Variants in STAG1 observed in about 807,000 individuals in gnomAD.
STAG1 encodes cohesin subunit SA-1.
In STAG1, 26 loss-of-function variants were observed where a neutral mutation model predicts 170.9. The ratio of observed to expected loss-of-function variants is 0.15; its 90% CI spans 0.11 to 0.21. STAG1 has a LOEUF of 0.21. STAG1 is among the 10% of genes least tolerant of loss of function. STAG1 has a pLI of 1.00. For synonymous variants in STAG1, 514 were observed against 497.7 expected, an observed-to-expected ratio of 1.03 and a Z score of -0.44; for missense variants, 964 against 1,509.5, an observed-to-expected ratio of 0.64 and a Z score of 5.99.
chr3:136,369,377 T>C (rs1937203737), intron 23 of STAG1, 95 bp from the exon 24 acceptor site: 10 of 910,098 alleles, frequency 1.1e-5, no homozygotes, highest in East Asian at 6.2e-5. Flanking sequence ...CATAGTTTAA[T>C]AGCAGTACCA....
chr3:136,577,048 G>T (rs561259324), intron 4 of STAG1, among the ~76,000 whole-genome samples: 1 of 152,294 alleles, frequency 6.6e-6, no homozygotes, highest in African/African-American at 2.4e-5. Context: ...GCTATTGCTG[G>T]TGGCTGATTG....
intron 1 of STAG1, among the ~76,000 whole-genome samples, chr3:136,705,475 G>C (rs745573837): frequency 2.6e-4 from 39 of 151,596 alleles, no homozygotes; most frequent in Non-Finnish European, 4.4e-4. Flanking sequence ...CCCAGATCCT[G>C]AATTGTAGCT....
chr3:136,361,520 AG>A (rs1936861370), intron 26 of STAG1, among the ~76,000 whole-genome samples: 1 of 152,218 alleles, frequency 6.6e-6, no homozygotes, highest in Non-Finnish European at 1.5e-5. Context: ...AGTTTTCAAA[AG>A]GGGCCTTTTC....
intron 1 of STAG1, among the ~76,000 whole-genome samples, chr3:136,663,621 C>T (rs1941652970): frequency 6.6e-6 from 1 of 152,114 alleles, no homozygotes. Context: ...CTTAGAAAAA[C>T]TGGAAAACAC....
At chr3:136,501,605 T>C (rs938932119) in intron 8 of STAG1, among the ~76,000 whole-genome samples, 1 of 152,212 alleles carries the variant, frequency 6.6e-6, no homozygotes, top group Non-Finnish European at 1.5e-5. Flanking sequence ...CACCTTGATC[T>C]TGGAATTCTA....
intron 9 of STAG1, among the ~76,000 whole-genome samples, chr3:136,491,503 T>G: frequency 6.6e-6 from 1 of 152,224 alleles, no homozygotes; most frequent in East Asian, 1.9e-4. Flanking sequence ...TCACATTCAG[T>G]ATTTTGTGTT....
chr3:136,533,016 A>T (rs111399171), intron 6 of STAG1, among the ~76,000 whole-genome samples: 102 of 152,302 alleles, frequency 6.7e-4, no homozygotes, highest in African/African-American at 2.4e-3. Flanking sequence ...ATTTAGAAGA[A>T]CCCAAAGCCT....
At chr3:136,603,865 C>A (rs893062582) in intron 4 of STAG1, among the ~76,000 whole-genome samples, 8 of 151,718 alleles carry the variant, frequency 5.3e-5, no homozygotes, top group African/African-American at 7.3e-5. Flanking sequence ...CCAGCCTGGG[C>A]AACAGAGCCA....
At chr3:136,433,091 CA>C (rs139686829) in intron 16 of STAG1, among the ~76,000 whole-genome samples, 11,677 of 152,092 alleles carry the variant, frequency 0.077, 460 homozygotes, top group Non-Finnish European at 0.093. Flanking sequence ...TTCAAACCAA[CA>C]GAGCCAGGAG....
chr3:136,406,699 A>T (rs2087494732), intron 21 of STAG1, among the ~76,000 whole-genome samples: 1 of 152,210 alleles, frequency 6.6e-6, no homozygotes, highest in East Asian at 1.9e-4. Context: ...AATTCTAGGA[A>T]ATAGGGGATT....
chr3:136,447,732 C>G (rs113064861), intron 14 of STAG1, among the ~76,000 whole-genome samples: 7 of 151,290 alleles, frequency 4.6e-5, no homozygotes, highest in African/African-American at 1.5e-4. Context: ...AGTCTCCTGC[C>G]TCAGCCTCCA....
intron 1 of STAG1, among the ~76,000 whole-genome samples, chr3:136,684,486 G>A (rs969441196): frequency 1.2e-4 from 18 of 152,100 alleles, no homozygotes; most frequent in African/African-American, 1.9e-4. Flanking sequence ...GCATTGGCTC[G>A]CGCCTGTAAT....
At chr3:136,542,058 C>A (rs2107726800) in intron 6 of STAG1, 61 bp downstream of exon 6, 2 of 1,215,404 alleles carry the variant, frequency 1.6e-6, no homozygotes, top group East Asian at 2.3e-5. Flanking sequence ...CTGAGATAAT[C>A]AACATATTCA....
In STAG1 at chr3:136,631,937, T is replaced by A. The variant is rs1397983803; in HGVS notation, c.-83-956A>T. ...TCAAAACAGATGTAAGATCAGAGAA[T>A]TCCCAAGCAGAATACATCAAACTAC... is the stretch of plus-strand genomic sequence containing the variant. On this transcript the variant is annotated intron_variant, in intron 1 of 33. Transcript: ENST00000383202. 7.2e-5 allele frequency among the ~76,000 whole-genome samples: 11 copies of A among 151,950 alleles called. 1 individual carries two copies. Among genetic ancestry groups the A allele is most frequent in the Admixed American group, 7.2e-4 (11 of 15,250 alleles).
At chr3:136,442,333 T>C (rs955105086) in intron 15 of STAG1, among the ~76,000 whole-genome samples, 3 of 152,218 alleles carry the variant, frequency 2.0e-5, no homozygotes, top group Non-Finnish European at 4.4e-5. Context: ...TAAAGTACTA[T>C]TGTGGGCTAG....
At chr3:136,387,191 A>G (rs2086894325) in intron 22 of STAG1, among the ~76,000 whole-genome samples, 2 of 152,236 alleles carry the variant, frequency 1.3e-5, no homozygotes, top group South Asian at 4.1e-4. Flanking sequence ...TAGGCTTTGC[A>G]GTCCATATGG....
chr3:136,445,024 C>CTT lies in STAG1; in HGVS notation c.1429-1622_1429-1621dup, dbSNP rs368181116. Among the ~76,000 whole-genome samples, 784 of 134,152 alleles carry CTT rather than the reference C, an allele frequency of 5.8e-3. 9 individuals carry two copies. Among genetic ancestry groups the CTT allele is most frequent in the African/African-American group, 0.019 (675 of 36,260 alleles). The allele number at this position is 134,152 out of a possible 152,430, so 88.0% of individuals were successfully genotyped here. A position where few individuals can be genotyped will look rare whatever the true frequency, so the allele number is the denominator to read the frequency against. On this transcript the variant is annotated intron_variant, in intron 14 of 33. Coordinates refer to ENST00000383202, the MANE Select transcript of STAG1 (RefSeq NM_005862.3). Reference sequence around the variant, plus strand: ...TATAGGAGTGTGCTACCCCGCCTGGCTTTTTTTTTTTTTTTTGTAGAGACG... The same window carrying CTT: ...TATAGGAGTGTGCTACCCCGCCTGGCTTTTTTTTTTTTTTTTTTGTAGAGACG...
rs111246807 is a variant in STAG1, at chr3:136,751,601, G to A, written c.-84+594C>T. ...ATGCATCTCCCCCAGCCGCCACCCC[G>A]CTGCCCCACCCCGCCAACAAGAAGC... On this transcript the variant is annotated intron_variant, in intron 1 of 33. Transcript: ENST00000383202. Among the ~76,000 whole-genome samples, 1,181 of 150,014 alleles carry A rather than the reference G, an allele frequency of 7.9e-3. 13 individuals carry two copies. Among genetic ancestry groups the A allele is most frequent in the African/African-American group, 0.027 (1,125 of 41,128 alleles).
At chr3:136,411,803 G>A (rs896450487) in intron 21 of STAG1, among the ~76,000 whole-genome samples, 15 of 151,960 alleles carry the variant, frequency 9.9e-5, no homozygotes, top group African/African-American at 2.7e-4. Context: ...AAAATTAGCC[G>A]GGCGTGGTGG....
Sources: gnomAD v4.1 joint callset for allele counts (sites outside exome capture counted in the v4.1 genomes callset) on GRCh38, gnomAD v4.1.1 for gene constraint, MANE v1.5 for transcripts, NCBI Gene and HGNC (gene_info 2026-07-23, HGNC 2026-07-21) for gene names.